WDPCP: variants seen among roughly 807,000 people sequenced by gnomAD.
WDPCP encodes WD repeat containing planar cell polarity effector.
Under a neutral mutation model 93.1 loss-of-function variants are expected in WDPCP, and 71 were observed. The observed-to-expected ratio is 0.76, with a 90% confidence interval of 0.63 to 0.93. The LOEUF (loss-of-function observed/expected upper bound fraction) is 0.93, where lower values mean the gene tolerates loss of function less well. Ranked by LOEUF, WDPCP falls within the 40% of genes least tolerant of loss-of-function variation. The pLI, the probability that WDPCP is intolerant of heterozygous loss-of-function variation, is 0.00. For missense variants in WDPCP, 844 were observed against 887.4 expected (o/e 0.95, Z 0.62); for synonymous variants, 315 against 315.0 (o/e 1.00, Z 0.00).
intron 2 of WDPCP, among the ~76,000 whole-genome samples, chr2:63,793,919 C>T (rs913609463): frequency 6.2e-4 from 91 of 146,578 alleles, no homozygotes; most frequent in African/African-American, 2.2e-3. Flanking sequence ...TATCATATTG[C>T]CATTTTTAGA....
chr2:63,203,345 T>C (rs1464362582), intron 14 of WDPCP, among the ~76,000 whole-genome samples: 1 of 152,166 alleles, frequency 6.6e-6, no homozygotes, highest in African/African-American at 2.4e-5. Flanking sequence ...CATTTTAAAG[T>C]GTACAATTAA....
intron 6 of WDPCP, among the ~76,000 whole-genome samples, chr2:63,448,763 G>A (rs372567493): frequency 3.3e-5 from 5 of 152,130 alleles, no homozygotes; most frequent in African/African-American, 1.2e-4. Flanking sequence ...GCTAGGCACA[G>A]AAAGACAAAT....
chr2:63,374,632 T>C (rs1432914444), intron 12 of WDPCP, among the ~76,000 whole-genome samples: 1 of 152,198 alleles, frequency 6.6e-6, no homozygotes, highest in East Asian at 1.9e-4. Context: ...TTGCCTATCA[T>C]ATATATTTTA....
intron 1 of WDPCP, among the ~76,000 whole-genome samples, chr2:63,553,383 T>C (rs904625965): frequency 6.6e-6 from 1 of 152,216 alleles, no homozygotes; most frequent in African/African-American, 2.4e-5. Flanking sequence ...GCTTTGAAGT[T>C]GCTTCAAGAT....
chr2:63,280,418 C>T (rs1470045133), intron 13 of WDPCP, among the ~76,000 whole-genome samples: 1 of 152,148 alleles, frequency 6.6e-6, no homozygotes, highest in Admixed American at 6.5e-5. Context: ...TCAATTACCT[C>T]CCCATGGGTC....
At position 63,826,007 on chromosome 2, in the gene WDPCP, A is replaced by T. The variant is rs188166542; in HGVS notation, n.222+1615T>A. On this transcript the variant is annotated intron_variant and non_coding_transcript_variant, in intron 1 of 4. Coordinates refer to the WDPCP transcript ENST00000467687. ...TGCATTATCTTTTTTTAAAAAAATTAAAACACATCAACAAATATTTCCTGA... is the reference window on the plus strand; with the variant it reads ...TGCATTATCTTTTTTTAAAAAAATTTAAACACATCAACAAATATTTCCTGA... Among the ~76,000 whole-genome samples, 57 of 152,280 alleles carry T rather than the reference A, an allele frequency of 3.7e-4. No individual in the cohort carries two copies. The East Asian group carries it at 6.4e-3, about 17-fold the overall frequency.
At chr2:63,456,911 C>A (rs1392604547) in intron 6 of WDPCP, among the ~76,000 whole-genome samples, 1 of 152,122 alleles carries the variant, frequency 6.6e-6, no homozygotes, top group African/African-American at 2.4e-5. Context: ...ACTAGGGAGG[C>A]TGAGGCATGA....
At chr2:63,313,572 A>C (rs1517401) in intron 12 of WDPCP, among the ~76,000 whole-genome samples, 1 of 151,878 alleles carries the variant, frequency 6.6e-6, no homozygotes, top group Non-Finnish European at 1.5e-5. Flanking sequence ...ACTGCTGACT[A>C]TGATAGCTTA....
At chr2:63,575,415 T>C (rs1467643551) in intron 1 of WDPCP, among the ~76,000 whole-genome samples, 1 of 112,922 alleles carries the variant, frequency 8.9e-6, no homozygotes, top group African/African-American at 4.6e-5. Context: ...ATACAGTATA[T>C]ACACTGTATA....
intron 14 of WDPCP, among the ~76,000 whole-genome samples, chr2:63,244,395 A>C (rs1001165552): frequency 6.6e-6 from 1 of 152,172 alleles, no homozygotes; most frequent in African/African-American, 2.4e-5. Flanking sequence ...TTGAGAGGCA[A>C]AAATCCATAC....
intron 12 of WDPCP, among the ~76,000 whole-genome samples, chr2:63,313,886 A>ATGTGTGTGTGTATATATATACATATTTT: frequency 1.3e-5 from 1 of 74,502 alleles, no homozygotes; most frequent in Non-Finnish European, 2.6e-5. Context: ...ATATATATAT[A>ATGTGTGTGTGTATATATATACATATTTT]TTTTTTTTTT....
intron 12 of WDPCP, among the ~76,000 whole-genome samples, chr2:63,360,876 A>C (rs1395769134): frequency 3.3e-5 from 5 of 152,198 alleles, no homozygotes; most frequent in Non-Finnish European, 7.4e-5. Flanking sequence ...ACTGAGCAAA[A>C]CTATCAGGAT....
intron 17 of WDPCP, among the ~76,000 whole-genome samples, chr2:63,122,804 A>C (rs999157474): frequency 2.6e-5 from 4 of 152,320 alleles, no homozygotes; most frequent in Non-Finnish European, 5.9e-5. Context: ...CACTTACACT[A>C]TCATGTCATA....
intron 6 of WDPCP, among the ~76,000 whole-genome samples, chr2:63,458,303 G>C (rs1698778403): frequency 6.7e-6 from 1 of 150,004 alleles, no homozygotes; most frequent in Non-Finnish European, 1.5e-5. Context: ...CAGATGACAT[G>C]ATTTTATATC....
At chr2:63,573,116 G>A (rs541976940) in intron 1 of WDPCP, among the ~76,000 whole-genome samples, 3 of 152,080 alleles carry the variant, frequency 2.0e-5, no homozygotes, top group African/African-American at 7.2e-5. Context: ...CTGGTGGCAT[G>A]TGCCTGTACT....
intron 16 of WDPCP, 50 bp from the exon 17 acceptor site, chr2:63,152,995 C>T (rs775371596): frequency 2.6e-6 from 4 of 1,549,304 alleles, no homozygotes; most frequent in Non-Finnish European, 3.5e-6. Flanking sequence ...TAATAATGGA[C>T]CTTAAGAAAA....
chr2:63,749,503 A>G (rs1465889854), intron 2 of WDPCP, among the ~76,000 whole-genome samples: 2 of 152,054 alleles, frequency 1.3e-5, no homozygotes, highest in Non-Finnish European at 2.9e-5. Context: ...TGTTTTTCAT[A>G]TTCGATACAC....
chr2:63,145,398 T>C (rs1317966861), intron 17 of WDPCP, among the ~76,000 whole-genome samples: 2 of 152,098 alleles, frequency 1.3e-5, no homozygotes, highest in Admixed American at 6.6e-5. Context: ...TAGGCATGTC[T>C]GAGCTCAGAC....
At chr2:63,290,735 A>G (rs1465879811) in intron 13 of WDPCP, among the ~76,000 whole-genome samples, 1 of 152,104 alleles carries the variant, frequency 6.6e-6, no homozygotes, top group Non-Finnish European at 1.5e-5. Context: ...ATGCTGTTCC[A>G]TTATCTTTTG....
Sources: allele counts gnomAD v4.1 joint callset (sites outside exome capture counted in the v4.1 genomes callset), GRCh38; gene constraint gnomAD v4.1.1; transcripts MANE v1.5; gene names NCBI Gene and HGNC (gene_info 2026-07-23, HGNC 2026-07-21).